Variants in ABTB3 observed in about 807,000 individuals in gnomAD.
The protein encoded by ABTB3 is ankyrin repeat and BTB domain containing 3, also known as ankyrin repeat- and BTB/POZ domain-containing protein 3.
At chr12:107,625,602 T>C in the ABTB3 span, among the ~76,000 whole-genome samples, 1 of 152,098 alleles carries the variant, frequency 6.6e-6, no homozygotes, top group Non-Finnish European at 1.5e-5. Flanking sequence ...GGCTCCCACG[T>C]AGTCTTCTCT....
chr12:107,319,760 C>T, the ABTB3 span: 1 of 1,503,570 alleles, frequency 6.7e-7, no homozygotes, highest in East Asian at 2.6e-5. Context: ...CGGCCCAGGC[C>T]CGAGCTCGGG....
At chr12:107,581,318 C>A in the ABTB3 span, 12 of 1,311,468 alleles carry the variant, frequency 9.2e-6, no homozygotes, top group Admixed American at 1.7e-4. Flanking sequence ...GGCGCGGGGG[C>A]GGGCGGGGGG....
At chr12:107,605,485 A>G in the ABTB3 span, among the ~76,000 whole-genome samples, 2 of 152,304 alleles carry the variant, frequency 1.3e-5, no homozygotes, top group Admixed American at 1.3e-4. Context: ...TGAGTCCTCT[A>G]GGCAGGAAAG....
the ABTB3 span, among the ~76,000 whole-genome samples, chr12:107,477,030 G>A: frequency 6.6e-6 from 1 of 152,158 alleles, no homozygotes; most frequent in African/African-American, 2.4e-5. Context: ...TCCACATCAG[G>A]TGTGTCCACA....
At chr12:107,544,222 G>T in the ABTB3 span, 1 of 1,405,942 alleles carries the variant, frequency 7.1e-7, no homozygotes. Context: ...GAGGATGATG[G>T]GGGTAGAAAG....
chr12:107,336,558 T>TGGCAGTGA, the ABTB3 span, among the ~76,000 whole-genome samples: 1 of 152,222 alleles, frequency 6.6e-6, no homozygotes, highest in African/African-American at 2.4e-5. Flanking sequence ...ACTTAGTGTG[T>TGGCAGTGA]GGCAGTGAGT....
chr12:107,563,292 C>T, the ABTB3 span, among the ~76,000 whole-genome samples: 1 of 152,168 alleles, frequency 6.6e-6, no homozygotes, highest in African/African-American at 2.4e-5. Context: ...CTCAATTGTA[C>T]ATTCATTAAT....
chr12:107,344,382 T>C, the ABTB3 span, among the ~76,000 whole-genome samples: 3 of 152,186 alleles, frequency 2.0e-5, no homozygotes, highest in African/African-American at 7.2e-5. Flanking sequence ...AGAAGGGAAA[T>C]TGGTTGGGTT....
chr12:107,394,977 C>T, the ABTB3 span, among the ~76,000 whole-genome samples: 1 of 152,238 alleles, frequency 6.6e-6, no homozygotes, highest in African/African-American at 2.4e-5. Flanking sequence ...TTTTCTCCCT[C>T]TCTTCTGGTC....
chr12:107,540,627 C>T, the ABTB3 span, among the ~76,000 whole-genome samples: 6 of 152,144 alleles, frequency 3.9e-5, no homozygotes, highest in African/African-American at 1.2e-4. Flanking sequence ...GCTGTCCTGA[C>T]GAAGCCTTAG....
chr12:107,552,891 G>T, the ABTB3 span, among the ~76,000 whole-genome samples: 1 of 152,132 alleles, frequency 6.6e-6, no homozygotes, highest in Non-Finnish European at 1.5e-5. Flanking sequence ...TCAGTGCATA[G>T]CATATAGTAA....
the ABTB3 span, among the ~76,000 whole-genome samples, chr12:107,483,167 A>T: frequency 1.3e-5 from 2 of 151,928 alleles, no homozygotes; most frequent in African/African-American, 2.4e-5. Flanking sequence ...AGCTAGGACT[A>T]TAGGCATGCA....
chr12:107,644,188 C>T, the ABTB3 span, among the ~76,000 whole-genome samples: 2 of 152,174 alleles, frequency 1.3e-5, no homozygotes, highest in African/African-American at 2.4e-5. Flanking sequence ...GGTAGCAAAG[C>T]GTGGGGACAC....
chr12:107,613,619 G>T, the ABTB3 span, among the ~76,000 whole-genome samples: 1 of 152,140 alleles, frequency 6.6e-6, no homozygotes, highest in Non-Finnish European at 1.5e-5. Flanking sequence ...TGTCAGAAGG[G>T]ATATAGAGAG....
At chr12:107,449,603 C>A in the ABTB3 span, among the ~76,000 whole-genome samples, 1 of 152,112 alleles carries the variant, frequency 6.6e-6, no homozygotes, top group Non-Finnish European at 1.5e-5. Context: ...AGCCATATTA[C>A]TTAATTTTTC....
the ABTB3 span, among the ~76,000 whole-genome samples, chr12:107,501,155 G>T: frequency 6.6e-6 from 1 of 152,342 alleles, no homozygotes; most frequent in Admixed American, 6.5e-5. Flanking sequence ...GTTAATGCAT[G>T]TAAAGCATTA....
chr12:107,444,582 G>A, the ABTB3 span, among the ~76,000 whole-genome samples: 2 of 152,216 alleles, frequency 1.3e-5, no homozygotes, highest in African/African-American at 4.8e-5. Context: ...TGAGATCAAG[G>A]GAAGTTGGTA....
chr12:107,637,180 C>A, the ABTB3 span, among the ~76,000 whole-genome samples: 1 of 152,208 alleles, frequency 6.6e-6, no homozygotes, highest in Non-Finnish European at 1.5e-5. Flanking sequence ...CTTTTAAGGT[C>A]AGGAGTTCGA....
At chr12:107,525,366 GAGAA>G in the ABTB3 span, among the ~76,000 whole-genome samples, 1 of 120,204 alleles carries the variant, frequency 8.3e-6, no homozygotes, top group Non-Finnish European at 1.8e-5. Context: ...AAAGAAGGAA[GAGAA>G]AGAAAGAGAA....
Sources: gnomAD v4.1 joint callset for allele counts (sites outside exome capture counted in the v4.1 genomes callset) on GRCh38, gnomAD v4.1.1 for gene constraint, MANE v1.5 for transcripts, NCBI Gene and HGNC (gene_info 2026-07-23, HGNC 2026-07-21) for gene names.